RABGAP1L: variants seen among roughly 807,000 people sequenced by gnomAD.
RABGAP1L encodes the protein rab GTPase-activating protein 1-like.
A neutral mutation model predicts 137.7 loss-of-function variants in RABGAP1L; 63 were observed. The observed-to-expected ratio is 0.46, with a 90% confidence interval of 0.37 to 0.56. The LOEUF is 0.56. Ranked by LOEUF, RABGAP1L falls within the 20% of genes least tolerant of loss-of-function variation. The pLI is 0.00. For synonymous variants in RABGAP1L, 431 were observed against 433.7 expected, an observed-to-expected ratio of 0.99 and a Z score of 0.08; for missense variants, 1,095 against 1,244.0, an observed-to-expected ratio of 0.88 and a Z score of 1.80.
intron 13 of RABGAP1L, chr1:174,449,114 ATGTGCACATCC>A (rs749252222): frequency 1.2e-6 from 2 of 1,613,866 alleles, no homozygotes; most frequent in African/African-American, 2.7e-5. Context: ...GTCTGAGACA[ATGTGCACATCC>A]TGTATGTGTG....
At chr1:174,843,851 A>C (rs1693750501) in intron 19 of RABGAP1L, among the ~76,000 whole-genome samples, 1 of 131,730 alleles carries the variant, frequency 7.6e-6, no homozygotes, top group Admixed American at 8.1e-5. Flanking sequence ...CCAACAGTGT[A>C]AAAGTGTTCC....
intron 19 of RABGAP1L, among the ~76,000 whole-genome samples, chr1:174,841,810 A>G (rs1177610721): frequency 6.6e-6 from 1 of 152,068 alleles, no homozygotes; most frequent in African/African-American, 2.4e-5. Flanking sequence ...AAAAATAAAT[A>G]CTAACTTTAG....
intron 18 of RABGAP1L, among the ~76,000 whole-genome samples, chr1:174,786,240 T>G (rs1687438598): frequency 6.6e-6 from 1 of 152,248 alleles, no homozygotes; most frequent in African/African-American, 2.4e-5. Flanking sequence ...AGATATTTTC[T>G]AAAGGGGATA....
chr1:174,866,115 GA>G (rs1651178844), intron 19 of RABGAP1L, among the ~76,000 whole-genome samples: 1 of 17,580 alleles, frequency 5.7e-5, no homozygotes, highest in African/African-American at 3.1e-4. Context: ...GAGGGGGAGA[GA>G]GAGAGAGAGA....
In RABGAP1L at chr1:174,327,984, C is replaced by CATATATATAT. The variant is rs1314813386; in HGVS notation, c.1465+22858_1465+22859insTATATATATA. The stretch of plus-strand genomic sequence containing the variant: ...ATATATATATATATATATATACACA[C>CATATATATAT]ACATATATATATATATATATATATA... On this transcript the variant is annotated intron_variant, in intron 11 of 25. Transcript: ENST00000681986. Among the ~76,000 whole-genome samples, 43 of 37,852 alleles carry CATATATATAT rather than the reference C, an allele frequency of 1.1e-3. 1 individual carries two copies. The highest frequency in any genetic ancestry group is 2.9e-3 in the African/African-American group (27 of 9,170). The allele number at this position is 37,852 out of a possible 152,430, so 24.8% of individuals were successfully genotyped here.
At chr1:174,958,193 G>T (rs1277003479) in intron 20 of RABGAP1L, 2 of 1,375,442 alleles carry the variant, frequency 1.5e-6, no homozygotes, top group Admixed American at 4.4e-5. Context: ...GCACAGTAGT[G>T]GTGTTTGTTG....
chr1:174,328,872 A>G (rs904659391), intron 11 of RABGAP1L, among the ~76,000 whole-genome samples: 1 of 152,156 alleles, frequency 6.6e-6, no homozygotes, highest in African/African-American at 2.4e-5. Flanking sequence ...ACAGTAATAA[A>G]TGCCATCATT....
At chr1:174,621,925 A>C (rs549832846) in intron 13 of RABGAP1L, among the ~76,000 whole-genome samples, 2 of 152,300 alleles carry the variant, frequency 1.3e-5, no homozygotes, top group African/African-American at 4.8e-5. Context: ...CAACCTACAA[A>C]ATGGGAGAAA....
chr1:174,887,258 C>G (rs1406712424), intron 19 of RABGAP1L, among the ~76,000 whole-genome samples: 2 of 152,148 alleles, frequency 1.3e-5, no homozygotes, highest in Non-Finnish European at 2.9e-5. Flanking sequence ...TATAATTGAC[C>G]TAACTGACCC....
At chr1:174,177,278 T>C (rs528312158) in intron 1 of RABGAP1L, among the ~76,000 whole-genome samples, 59 of 152,364 alleles carry the variant, frequency 3.9e-4, no homozygotes, top group Middle Eastern at 3.4e-3. Context: ...ATAAATGTCT[T>C]CTTTTGAGAA....
intron 13 of RABGAP1L, chr1:174,447,972 G>T: frequency 1.6e-6 from 1 of 614,102 alleles, no homozygotes. Context: ...GCACTCTCTG[G>T]GACTCTCAGC....
At chr1:174,856,397 T>TAAAA (rs150232187) in intron 19 of RABGAP1L, among the ~76,000 whole-genome samples, 4 of 115,194 alleles carry the variant, frequency 3.5e-5, no homozygotes, top group African/African-American at 2.7e-5. Context: ...TCCCTCTCAA[T>TAAAA]AAAAAAAAAA....
At chr1:174,933,038 A>G (rs1290635268) in intron 19 of RABGAP1L, among the ~76,000 whole-genome samples, 1 of 152,186 alleles carries the variant, frequency 6.6e-6, no homozygotes, top group Non-Finnish European at 1.5e-5. Context: ...TTGCTTCTAT[A>G]TCTTCTCAGC....
intron 13 of RABGAP1L, among the ~76,000 whole-genome samples, chr1:174,578,628 T>TCAA (rs1423841277): frequency 5.9e-5 from 9 of 152,148 alleles, no homozygotes; most frequent in Non-Finnish European, 1.0e-4. Flanking sequence ...TGTGAAGAGG[T>TCAA]TAATTTTAAC....
chr1:174,783,040 G>A (rs1327678314), intron 18 of RABGAP1L, among the ~76,000 whole-genome samples: 1 of 152,094 alleles, frequency 6.6e-6, no homozygotes, highest in Admixed American at 6.6e-5. Flanking sequence ...GTCCATGTTT[G>A]TTCTGGCTGG....
chr1:174,987,394 T>C (rs1213285271), intron 24 of RABGAP1L, among the ~76,000 whole-genome samples: 2 of 152,158 alleles, frequency 1.3e-5, no homozygotes, highest in Non-Finnish European at 2.9e-5. Context: ...CTCGCTCTCT[T>C]GACCTCGTGA....
At chr1:174,618,256 G>A (rs1341212106) in intron 13 of RABGAP1L, among the ~76,000 whole-genome samples, 1 of 152,214 alleles carries the variant, frequency 6.6e-6, no homozygotes, top group Non-Finnish European at 1.5e-5. Context: ...TTCCTCAGCA[G>A]ACTTAAATGT....
chr1:174,890,450 G>T (rs545719327), intron 19 of RABGAP1L, among the ~76,000 whole-genome samples: 27 of 152,238 alleles, frequency 1.8e-4, no homozygotes, highest in Middle Eastern at 3.4e-3. Context: ...TCTAATTATT[G>T]AATAAAGGAA....
chr1:174,876,356 T>C (rs1378840432), intron 19 of RABGAP1L, among the ~76,000 whole-genome samples: 1 of 152,198 alleles, frequency 6.6e-6, no homozygotes, highest in Non-Finnish European at 1.5e-5. Flanking sequence ...TACTGCAGTG[T>C]CATGATCTAG....
Sources: gnomAD v4.1 joint callset for allele counts (sites outside exome capture counted in the v4.1 genomes callset) on GRCh38, gnomAD v4.1.1 for gene constraint, MANE v1.5 for transcripts, NCBI Gene and HGNC (gene_info 2026-07-23, HGNC 2026-07-21) for gene names.